Variants in UGT1A8 observed in about 807,000 individuals in gnomAD.
The protein encoded by UGT1A8 is UDP-glucuronosyltransferase 1A8.
A neutral mutation model predicts 45.3 loss-of-function variants in UGT1A8; 39 were observed. The ratio of observed to expected loss-of-function variants is 0.86; its 90% confidence interval spans 0.67 to 1.12. The LOEUF (loss-of-function observed/expected upper bound fraction) is 1.12, where lower values mean the gene tolerates loss of function less well. UGT1A8 is among the 50% of genes most tolerant of loss of function. The pLI is 0.00. For missense variants in UGT1A8, 719 were observed against 664.9 expected (o/e 1.08, Z -0.90); for synonymous variants, 275 against 249.2 (o/e 1.10, Z -0.97).
rs1343276801 is a variant in UGT1A8, at chr2:233,655,476, T to C, written c.855+36914T>C. On this transcript the variant is annotated intron_variant, in intron 1 of 4. Transcript: ENST00000373450. ...AAGGGGCACGACTTAAGGAGGCTCA[T>C]GCTTCTCTTGTCTTCTGCCTTAGGC... is the stretch of plus-strand genomic sequence containing the variant. Among the ~76,000 whole-genome samples, 5 of 152,326 alleles carry C rather than the reference T, an allele frequency of 3.3e-5. No individual in the cohort carries two copies. The East Asian group carries it at 7.7e-4, about 24-fold the overall frequency.
At position 233,769,619 on chromosome 2, in the gene UGT1A8, C is replaced by G; in HGVS notation, c.1295+1180C>G. The G allele has an allele frequency of 1.9e-6, 3 of 1,612,516 alleles. No individual in the cohort carries two copies. The highest frequency in any genetic ancestry group is 2.5e-6 in the Non-Finnish European group (3 of 1,179,738). ...GAACACGGGGACACACCAGCTTGAG[C>G]AAGGGACAACAGGGGAGGACTGATG... On this transcript the variant is annotated intron_variant, in intron 4 of 4. Transcript: ENST00000373450. This position sits in a 1 kb window ranked among gnomAD's most constrained non-coding sequence, Gnocchi z 4.4.
intron 1 of UGT1A8, chr2:233,713,825 C>T: frequency 1.2e-6 from 2 of 1,614,052 alleles, no homozygotes; most frequent in South Asian, 2.2e-5. Flanking sequence ...TCATTGGGGG[C>T]ATCAACTGTG....
intron 1 of UGT1A8, chr2:233,760,236 A>G: frequency 1.3e-6 from 2 of 1,590,176 alleles, no homozygotes; most frequent in Non-Finnish European, 1.7e-6. Context: ...TTTTTGCCAT[A>G]TATATATATA....
rs61748821 is a variant in UGT1A8 at position 233,637,282 on chromosome 2, C to T, written c.855+18720C>T. The T allele has an allele frequency of 2.4e-4, 388 of 1,613,936 alleles. 3 individuals are homozygous for T. The African/African-American group carries it at 3.7e-3, about 16-fold the overall frequency. On this transcript the variant is annotated intron_variant, in intron 1 of 4. Transcript: ENST00000373450. Reference sequence around the variant, plus strand: ...CAGTCACACATCAATTTGGTTGTTGCGAACGGACTTTGTTTTGGACTATCC... The same window carrying T: ...CAGTCACACATCAATTTGGTTGTTGTGAACGGACTTTGTTTTGGACTATCC...
At chr2:233,749,443 T>C (rs551988322) in intron 1 of UGT1A8, among the ~76,000 whole-genome samples, 4 of 151,902 alleles carry the variant, frequency 2.6e-5, no homozygotes, top group Non-Finnish European at 5.9e-5. Flanking sequence ...GTCATCTCAG[T>C]GGAGCAGAAC....
At chr2:233,718,974 C>T (rs1346744859) in intron 1 of UGT1A8, 1 of 1,614,236 alleles carries the variant, frequency 6.2e-7, no homozygotes, top group South Asian at 1.1e-5. Flanking sequence ...GCGGGAGCTC[C>T]ATGCCAGAGG....
At chr2:233,771,377 T>A (rs1700299205) in intron 4 of UGT1A8, 1 of 152,184 alleles carries the variant, frequency 6.6e-6, no homozygotes, top group Non-Finnish European at 1.5e-5. Flanking sequence ...CCGTTTTGGA[T>A]TGAGATGTTC....
At chr2:233,771,047 T>C (rs1700228624) in intron 4 of UGT1A8, 1 of 152,132 alleles carries the variant, frequency 6.6e-6, no homozygotes, top group South Asian at 2.1e-4. Flanking sequence ...TGCCACACAC[T>C]TTTTAATGAC....
At chr2:233,705,546 T>C (rs1018965225) in intron 1 of UGT1A8, among the ~76,000 whole-genome samples, 10 of 152,198 alleles carry the variant, frequency 6.6e-5, no homozygotes, top group African/African-American at 2.4e-4. Context: ...GAAGAGCAGC[T>C]GGTGATATTG....
intron 1 of UGT1A8, among the ~76,000 whole-genome samples, chr2:233,745,089 C>T (rs542765504): frequency 6.6e-6 from 1 of 151,622 alleles, no homozygotes; most frequent in African/African-American, 2.4e-5. Context: ...ATTGCTCTTC[C>T]CCCCAAATAT....
chr2:233,668,008 A>T (rs914560486), intron 1 of UGT1A8, among the ~76,000 whole-genome samples: 1 of 152,134 alleles, frequency 6.6e-6, no homozygotes, highest in Non-Finnish European at 1.5e-5. Context: ...AAGAATTCCC[A>T]TATATCTTTT....
At chr2:233,744,133 C>T in intron 1 of UGT1A8, 1 of 354,200 alleles carries the variant, frequency 2.8e-6, no homozygotes, top group Non-Finnish European at 5.4e-6. Context: ...TCTGTGAGGC[C>T]CTGTGATGCT....
intron 1 of UGT1A8, among the ~76,000 whole-genome samples, chr2:233,651,350 C>T (rs2073736150): frequency 6.6e-6 from 1 of 151,956 alleles, no homozygotes. Flanking sequence ...TATCACCTAT[C>T]ATGTTAAGAT....
intron 1 of UGT1A8, among the ~76,000 whole-genome samples, chr2:233,705,671 A>G (rs1206760677): frequency 6.6e-6 from 1 of 152,224 alleles, no homozygotes; most frequent in African/African-American, 2.4e-5. Context: ...TAGTTGTGAG[A>G]TAATATTCAC....
intron 1 of UGT1A8, chr2:233,743,004 A>G (rs1469348172): frequency 4.2e-6 from 1 of 237,384 alleles, no homozygotes; most frequent in Admixed American, 5.1e-5. Context: ...GCATACAGAT[A>G]TTTTACAACG....
chr2:233,747,450 T>A, intron 1 of UGT1A8: 1 of 1,609,050 alleles, frequency 6.2e-7, no homozygotes, highest in Non-Finnish European at 8.5e-7. Flanking sequence ...CCTGACAACC[T>A]ATGCCATTTC....
At chr2:233,643,123 A>G (rs2073500026) in intron 1 of UGT1A8, among the ~76,000 whole-genome samples, 3 of 152,198 alleles carry the variant, frequency 2.0e-5, no homozygotes, top group Admixed American at 2.0e-4. Context: ...CCAGACCTGC[A>G]TCCCTCCCTT....
At chr2:233,666,348 G>C (rs1038886714) in intron 1 of UGT1A8, among the ~76,000 whole-genome samples, 2 of 152,260 alleles carry the variant, frequency 1.3e-5, no homozygotes, top group South Asian at 2.1e-4. Flanking sequence ...AGATAATTCA[G>C]CTATATCATT....
chr2:233,741,836 G>A (rs547216882), intron 1 of UGT1A8: 1 of 151,972 alleles, frequency 6.6e-6, no homozygotes, highest in South Asian at 2.1e-4. Context: ...CAGTTCAGTT[G>A]CCTTTTGCTC....
Sources: allele counts gnomAD v4.1 joint callset (sites outside exome capture counted in the v4.1 genomes callset), GRCh38; gene constraint gnomAD v4.1.1; non-coding constraint Gnocchi (gnomAD v3.1); transcripts MANE v1.5; gene names NCBI Gene and HGNC (gene_info 2026-07-23, HGNC 2026-07-21).